Variants in DLC1 observed in about 807,000 individuals in gnomAD.
The protein encoded by DLC1 is DLC1 Rho GTPase activating protein.
A neutral mutation model predicts 140.3 loss-of-function variants in DLC1; 54 were observed. The ratio of observed to expected loss-of-function variants is 0.38; its 90% CI spans 0.31 to 0.48. The LOEUF is 0.48. Ranked by LOEUF, DLC1 falls within the 20% of genes least tolerant of loss-of-function variation. DLC1 has a pLI of 0.96. For synonymous variants in DLC1, 986 were observed against 728.1 expected, an observed-to-expected ratio of 1.35 and a Z score of -5.70; for missense variants, 2,536 against 1,907.0, an observed-to-expected ratio of 1.33 and a Z score of -6.14.
intron 5 of DLC1, among the ~76,000 whole-genome samples, chr8:13,214,088 A>T (rs1426837008): frequency 6.6e-6 from 1 of 151,828 alleles, no homozygotes; most frequent in Non-Finnish European, 1.5e-5. Context: ...CTGGCTGTTT[A>T]TTTGTTTTCT....
chr8:13,224,543 C>A (rs1453759866), intron 5 of DLC1, among the ~76,000 whole-genome samples: 1 of 152,212 alleles, frequency 6.6e-6, no homozygotes, highest in African/African-American at 2.4e-5. Context: ...GTGTGTATCA[C>A]TGTCTGACAG....
At chr8:13,387,874 G>T (rs1477964086) in intron 4 of DLC1, among the ~76,000 whole-genome samples, 1 of 151,904 alleles carries the variant, frequency 6.6e-6, no homozygotes, top group African/African-American at 2.4e-5. Flanking sequence ...TTCAACACTG[G>T]GTTCCTTCAC....
At chr8:13,598,455 C>G (rs1805754665) in intron 1 of DLC1, among the ~76,000 whole-genome samples, 1 of 151,954 alleles carries the variant, frequency 6.6e-6, no homozygotes, top group Non-Finnish European at 1.5e-5. Context: ...GAAAGAGTTT[C>G]TTGGTTAAAT....
chr8:13,207,888 C>A (rs1042761311), intron 5 of DLC1, among the ~76,000 whole-genome samples: 20 of 152,134 alleles, frequency 1.3e-4, no homozygotes, highest in Non-Finnish European at 2.9e-5. Context: ...TTATGATATA[C>A]ATAGTGTGTA....
At chr8:13,160,520 A>G (rs978299778) in intron 5 of DLC1, among the ~76,000 whole-genome samples, 9 of 152,138 alleles carry the variant, frequency 5.9e-5, no homozygotes, top group African/African-American at 2.2e-4. Flanking sequence ...GGGCATTCCC[A>G]TCTCTGCTTT....
chr8:13,264,056 A>ATTTATTTATTTT, intron 5 of DLC1, among the ~76,000 whole-genome samples: 1 of 148,954 alleles, frequency 6.7e-6, no homozygotes, highest in Non-Finnish European at 1.5e-5. Flanking sequence ...GAAGCTTTTT[A>ATTTATTTATTTT]TTTATTTATT....
At chr8:13,254,577 G>C (rs1188846935) in intron 5 of DLC1, among the ~76,000 whole-genome samples, 1 of 152,010 alleles carries the variant, frequency 6.6e-6, no homozygotes, top group African/African-American at 2.4e-5. Context: ...GCTTATCTTT[G>C]ATGACTGAAA....
chr8:13,447,286 T>G (rs1798819995), intron 2 of DLC1, among the ~76,000 whole-genome samples: 1 of 152,238 alleles, frequency 6.6e-6, no homozygotes, highest in African/African-American at 2.4e-5. Context: ...TAAATATTTT[T>G]TGTGTGTTCA....
intron 2 of DLC1, among the ~76,000 whole-genome samples, chr8:13,408,861 T>G (rs1307418514): frequency 6.6e-6 from 1 of 152,176 alleles, no homozygotes; most frequent in African/African-American, 2.4e-5. Context: ...AGACAAGACT[T>G]TTCTTGGTTT....
intron 8 of DLC1, 73 bp from the exon 9 acceptor site, chr8:13,100,843 C>T: frequency 6.8e-7 from 1 of 1,471,186 alleles, no homozygotes; most frequent in Non-Finnish European, 9.0e-7. Context: ...GAGCAGGAGG[C>T]TGCTCATAAT....
intron 2 of DLC1, among the ~76,000 whole-genome samples, chr8:13,410,971 G>C (rs568330227): frequency 4.5e-4 from 69 of 152,210 alleles, no homozygotes; most frequent in Middle Eastern, 3.4e-3. Context: ...GGGTTTTATG[G>C]GTTTTTAAAA....
At chr8:13,161,811 G>A (rs925309594) in intron 5 of DLC1, among the ~76,000 whole-genome samples, 3 of 152,160 alleles carry the variant, frequency 2.0e-5, no homozygotes, top group Non-Finnish European at 4.4e-5. Flanking sequence ...CCTGTGCAAT[G>A]CGAACTCATG....
chr8:13,096,531 C>T (rs773794206), intron 10 of DLC1, among the ~76,000 whole-genome samples: 23 of 151,834 alleles, frequency 1.5e-4, no homozygotes, highest in Non-Finnish European at 2.8e-4. Context: ...CTCGCTTTGT[C>T]GGGGGAGAAA....
At chr8:13,130,942 T>C (rs1026595117) in intron 5 of DLC1, among the ~76,000 whole-genome samples, 1 of 152,232 alleles carries the variant, frequency 6.6e-6, no homozygotes, top group African/African-American at 2.4e-5. Context: ...ATGCAAAAAG[T>C]ATGCATCTGC....
chr8:13,306,913 G>C (rs1450445040), intron 4 of DLC1, among the ~76,000 whole-genome samples: 1 of 151,386 alleles, frequency 6.6e-6, no homozygotes, highest in African/African-American at 2.4e-5. Context: ...GTGAAACCCC[G>C]CCTCTACTAA....
chr8:13,257,991 TA>T (rs1830319164), intron 5 of DLC1, among the ~76,000 whole-genome samples: 1 of 152,200 alleles, frequency 6.6e-6, no homozygotes, highest in Non-Finnish European at 1.5e-5. Flanking sequence ...TACATGTAAG[TA>T]CCAACAGCGG....
chr8:13,471,083 A>G (rs948564748), intron 2 of DLC1, among the ~76,000 whole-genome samples: 10 of 151,958 alleles, frequency 6.6e-5, no homozygotes, highest in African/African-American at 2.2e-4. Context: ...AGAGTCTACA[A>G]TGGTCAAATT....
At chr8:13,365,150 C>T (rs1190451772) in intron 4 of DLC1, among the ~76,000 whole-genome samples, 1 of 152,170 alleles carries the variant, frequency 6.6e-6, no homozygotes, top group African/African-American at 2.4e-5. Flanking sequence ...AACCTCTATC[C>T]TGTTACTGGA....
At chr8:13,498,295 G>C (rs1324873496) in intron 2 of DLC1, among the ~76,000 whole-genome samples, 1 of 152,152 alleles carries the variant, frequency 6.6e-6, no homozygotes, top group Admixed American at 6.5e-5. Context: ...TTTTGGTCAA[G>C]GGTTCACTTG....
Sources: gnomAD v4.1 joint callset for allele counts (sites outside exome capture counted in the v4.1 genomes callset) on GRCh38, gnomAD v4.1.1 for gene constraint, MANE v1.5 for transcripts, NCBI Gene and HGNC (gene_info 2026-07-23, HGNC 2026-07-21) for gene names.